The following UBE2E2 variants were observed in gnomAD, a reference collection of about 807,000 sequenced individuals.
UBE2E2 encodes ubiquitin conjugating enzyme E2 E2.
In UBE2E2, 6 loss-of-function variants were observed where a neutral mutation model predicts 24.7. The ratio of observed to expected loss-of-function variants is 0.24; its 90% CI spans 0.13 to 0.48. The LOEUF is 0.48. Ranked by LOEUF, UBE2E2 falls within the 20% of genes least tolerant of loss-of-function variation. The pLI, the probability that UBE2E2 is intolerant of heterozygous loss-of-function variation, is 0.99. For missense variants in UBE2E2, 169 were observed against 245.0 expected (o/e 0.69, Z 2.07); for synonymous variants, 104 against 83.6 (o/e 1.24, Z -1.33).
At chr3:23,448,864 G>C (rs1698491424) in intron 3 of UBE2E2, among the ~76,000 whole-genome samples, 1 of 152,126 alleles carries the variant, frequency 6.6e-6, no homozygotes, top group Non-Finnish European at 1.5e-5. Context: ...CAGGATCTCT[G>C]GTACCTGGTG....
chr3:23,562,056 T>G (rs1695944621), intron 5 of UBE2E2, among the ~76,000 whole-genome samples: 1 of 152,210 alleles, frequency 6.6e-6, no homozygotes, highest in South Asian at 2.1e-4. Context: ...TGAATACCCT[T>G]TATTTCTTTC....
chr3:23,354,158 T>C (rs1695858475), intron 3 of UBE2E2, among the ~76,000 whole-genome samples: 1 of 152,026 alleles, frequency 6.6e-6, no homozygotes, highest in East Asian at 1.9e-4. Flanking sequence ...ATTTAATAAA[T>C]GGTGCTGGGA....
intron 5 of UBE2E2, among the ~76,000 whole-genome samples, chr3:23,568,909 T>C (rs893582425): frequency 6.6e-6 from 1 of 151,912 alleles, no homozygotes; most frequent in African/African-American, 2.4e-5. Flanking sequence ...GCATCTGCCT[T>C]GGACAGCACT....
chr3:23,403,471 A>ATTATTATTCATGGAATAATGCTG (rs1697279079), intron 3 of UBE2E2, among the ~76,000 whole-genome samples: 1 of 152,216 alleles, frequency 6.6e-6, no homozygotes, highest in East Asian at 1.9e-4. Flanking sequence ...TGCTGCAGCC[A>ATTATTATTCATGGAATAATGCTG]CATAACAGAA....
intron 3 of UBE2E2, among the ~76,000 whole-genome samples, chr3:23,282,156 A>G (rs1698503929): frequency 1.3e-5 from 2 of 152,190 alleles, no homozygotes; most frequent in African/African-American, 2.4e-5. Context: ...TCCCATTCCT[A>G]CATATGGATG....
intron 3 of UBE2E2, among the ~76,000 whole-genome samples, chr3:23,266,262 C>G (rs897294961): frequency 6.6e-6 from 1 of 152,174 alleles, no homozygotes; most frequent in Non-Finnish European, 1.5e-5. Context: ...TACAATTTGG[C>G]ATGATTTTGC....
chr3:23,423,006 T>C (rs1402306979), intron 3 of UBE2E2, among the ~76,000 whole-genome samples: 1 of 152,230 alleles, frequency 6.6e-6, no homozygotes, highest in Admixed American at 6.5e-5. Flanking sequence ...AGTCAGTTTC[T>C]TAAAGGCTTG....
intron 3 of UBE2E2, among the ~76,000 whole-genome samples, chr3:23,225,873 GT>G (rs10717256): frequency 0.25 from 36,373 of 146,434 alleles, 4,331 homozygotes; most frequent in East Asian, 0.29. Context: ...AGAAGAAAGT[GT>G]TTTTTTTTTT....
chr3:23,218,541 A>C (rs1196937538), intron 3 of UBE2E2, among the ~76,000 whole-genome samples: 1 of 151,996 alleles, frequency 6.6e-6, no homozygotes, highest in Non-Finnish European at 1.5e-5. Flanking sequence ...TATTTGTTTT[A>C]ATGGTCTGAA....
At chr3:23,388,871 A>C (rs190712579) in intron 3 of UBE2E2, among the ~76,000 whole-genome samples, 1 of 152,022 alleles carries the variant, frequency 6.6e-6, no homozygotes, top group East Asian at 1.9e-4. Context: ...TGGGTGGGGC[A>C]CATGCCTGTA....
At position 23,255,796 on chromosome 3, in the gene UBE2E2, C is replaced by T. The variant is rs560188553; in HGVS notation, c.227+38484C>T. 2.0e-4 allele frequency among the ~76,000 whole-genome samples: 30 copies of T among 152,228 alleles called. No individual in the cohort carries two copies. In the South Asian group the frequency reaches 4.4e-3, roughly 22 times the overall value. ...ATCACAGTATCTGGGAATAATCATACTCTCCAGCAAAGCAGCTTCTGGCCA... is the reference window on the plus strand; with the variant it reads ...ATCACAGTATCTGGGAATAATCATATTCTCCAGCAAAGCAGCTTCTGGCCA... On this transcript the variant is annotated intron_variant, in intron 3 of 5. Coordinates refer to ENST00000396703, the MANE Select transcript of UBE2E2 (RefSeq NM_152653.4).
At chr3:23,362,192 G>T (rs1351785015) in intron 3 of UBE2E2, among the ~76,000 whole-genome samples, 1 of 152,186 alleles carries the variant, frequency 6.6e-6, no homozygotes, top group Non-Finnish European at 1.5e-5. Flanking sequence ...CAAGGCAGCA[G>T]GGGGACACAG....
At chr3:23,362,461 G>A (rs920450948) in intron 3 of UBE2E2, among the ~76,000 whole-genome samples, 8 of 152,160 alleles carry the variant, frequency 5.3e-5, no homozygotes, top group Non-Finnish European at 1.2e-4. Flanking sequence ...CATGGGGCCT[G>A]GGAGCAGTAA....
intron 5 of UBE2E2, among the ~76,000 whole-genome samples, chr3:23,546,313 C>A (rs2125495603): frequency 6.6e-6 from 1 of 152,076 alleles, no homozygotes; most frequent in Admixed American, 6.6e-5. Flanking sequence ...TGTCATTGTT[C>A]TTGTTGTTTA....
intron 3 of UBE2E2, among the ~76,000 whole-genome samples, chr3:23,242,939 A>C (rs367709707): frequency 6.6e-6 from 1 of 151,972 alleles, no homozygotes; most frequent in East Asian, 1.9e-4. Context: ...CACAAAACTT[A>C]GGTGGGTGTG....
intron 5 of UBE2E2, among the ~76,000 whole-genome samples, chr3:23,566,786 T>A (rs1222826993): frequency 6.6e-6 from 1 of 152,122 alleles, no homozygotes; most frequent in African/African-American, 2.4e-5. Context: ...GCTCCAACAT[T>A]GAGGGTCACA....
At chr3:23,426,297 A>G (rs1697922973) in intron 3 of UBE2E2, among the ~76,000 whole-genome samples, 1 of 152,144 alleles carries the variant, frequency 6.6e-6, no homozygotes, top group Non-Finnish European at 1.5e-5. Flanking sequence ...TACCAAACGA[A>G]GTAAAAAAGG....
At chr3:23,562,806 A>T (rs1157368763) in intron 5 of UBE2E2, among the ~76,000 whole-genome samples, 2 of 152,164 alleles carry the variant, frequency 1.3e-5, no homozygotes, top group Non-Finnish European at 2.9e-5. Flanking sequence ...GGGAGGGTGT[A>T]AGTGTCCAGG....
intron 3 of UBE2E2, among the ~76,000 whole-genome samples, chr3:23,427,612 T>C (rs552549772): frequency 5.9e-5 from 9 of 152,196 alleles, no homozygotes; most frequent in Non-Finnish European, 1.3e-4. Context: ...ACAAATTAAA[T>C]GTCAAGAGAT....
Sources: gnomAD v4.1 joint callset for allele counts (sites outside exome capture counted in the v4.1 genomes callset) on GRCh38, gnomAD v4.1.1 for gene constraint, MANE v1.5 for transcripts, NCBI Gene and HGNC (gene_info 2026-07-23, HGNC 2026-07-21) for gene names.